Variants in SORCS3 observed in about 807,000 individuals in gnomAD.
The protein encoded by SORCS3 is sortilin related VPS10 domain containing receptor 3, also known as VPS10 domain-containing receptor SorCS3.
In SORCS3, 57 loss-of-function variants were observed where a neutral mutation model predicts 146.3. The observed-to-expected ratio is 0.39, with a 90% confidence interval of 0.31 to 0.49. The LOEUF is 0.49. Ranked by LOEUF, SORCS3 falls within the 20% of genes least tolerant of loss-of-function variation. SORCS3 has a pLI of 0.92. For synonymous variants in SORCS3, 653 were observed against 618.5 expected (o/e 1.06, Z -0.83); for missense variants, 1,341 against 1,575.5 (o/e 0.85, Z 2.52).
chr10:104,828,172 A>G (rs1389824385), intron 1 of SORCS3, among the ~76,000 whole-genome samples: 1 of 152,182 alleles, frequency 6.6e-6, no homozygotes, highest in East Asian at 1.9e-4. Flanking sequence ...CTCTGGCACA[A>G]GAGACCTAGC....
At chr10:105,048,080 T>C (rs1393377153) in intron 5 of SORCS3, among the ~76,000 whole-genome samples, 1 of 151,868 alleles carries the variant, frequency 6.6e-6, no homozygotes, top group African/African-American at 2.4e-5. Context: ...TTTTACACTG[T>C]TGGTGGGACT....
chr10:105,172,138 G>T (rs1251298511), intron 13 of SORCS3, among the ~76,000 whole-genome samples: 2 of 152,124 alleles, frequency 1.3e-5, no homozygotes, highest in Middle Eastern at 3.2e-3. Flanking sequence ...GAATAAGCCT[G>T]CTACAGAGTT....
At chr10:104,940,533 G>A (rs574484186) in intron 3 of SORCS3, among the ~76,000 whole-genome samples, 11 of 151,324 alleles carry the variant, frequency 7.3e-5, no homozygotes, top group Non-Finnish European at 1.6e-4. Context: ...TGAGAATGAT[G>A]GTTTCCAGCT....
intron 8 of SORCS3, among the ~76,000 whole-genome samples, chr10:105,145,344 G>A (rs572754117): frequency 1.2e-3 from 178 of 152,138 alleles, no homozygotes; most frequent in Non-Finnish European, 2.1e-3. Flanking sequence ...ATACCAGAGA[G>A]CAATCTTACT....
intron 4 of SORCS3, among the ~76,000 whole-genome samples, chr10:105,034,733 C>T (rs2055294766): frequency 6.6e-6 from 1 of 152,182 alleles, no homozygotes; most frequent in Non-Finnish European, 1.5e-5. Flanking sequence ...CCTGAAGAAT[C>T]ATACAAAGCC....
chr10:104,988,563 C>T (rs557193097), intron 4 of SORCS3, among the ~76,000 whole-genome samples: 3,034 of 152,190 alleles, frequency 0.02, 44 homozygotes, highest in Non-Finnish European at 0.029. Context: ...TTATTCAAAT[C>T]TTTGAGTTAA....
intron 1 of SORCS3, among the ~76,000 whole-genome samples, chr10:104,821,930 G>A (rs2017877265): frequency 1.3e-5 from 2 of 152,172 alleles, no homozygotes; most frequent in South Asian, 4.1e-4. Flanking sequence ...TAGGTGCTGT[G>A]TACAAGGTTA....
At chr10:104,651,631 A>G (rs2015561377) in intron 1 of SORCS3, among the ~76,000 whole-genome samples, 1 of 151,690 alleles carries the variant, frequency 6.6e-6, no homozygotes, top group South Asian at 2.1e-4. Flanking sequence ...TCTTGAACGC[A>G]GGAGGCAGGG....
intron 1 of SORCS3, among the ~76,000 whole-genome samples, chr10:104,794,470 A>G (rs2017528839): frequency 6.6e-6 from 1 of 152,076 alleles, no homozygotes; most frequent in African/African-American, 2.4e-5. Flanking sequence ...AATGGAGCAG[A>G]GAGTGTTTCA....
chr10:104,887,940 C>T (rs61867320), intron 2 of SORCS3, among the ~76,000 whole-genome samples: 2,485 of 117,158 alleles, frequency 0.021, 47 homozygotes, highest in Non-Finnish European at 0.023. Flanking sequence ...TCCATACCTT[C>T]CCAGCAACAT....
intron 5 of SORCS3, among the ~76,000 whole-genome samples, chr10:105,064,130 C>T (rs749415259): frequency 2.0e-5 from 3 of 152,176 alleles, no homozygotes; most frequent in Non-Finnish European, 4.4e-5. Flanking sequence ...AAACAGACAC[C>T]GTCTCTGCCC....
intron 1 of SORCS3, among the ~76,000 whole-genome samples, chr10:104,755,208 C>A (rs2017036143): frequency 1.3e-5 from 2 of 152,196 alleles, no homozygotes; most frequent in South Asian, 4.1e-4. Flanking sequence ...TGATTTGGTA[C>A]ATTCATTCAT....
At chr10:105,070,256 A>C (rs187065279) in intron 5 of SORCS3, among the ~76,000 whole-genome samples, 24 of 152,336 alleles carry the variant, frequency 1.6e-4, no homozygotes, top group South Asian at 2.1e-4. Flanking sequence ...CTAGACCTAT[A>C]TCATAGTTGA....
chr10:105,241,140 C>T (rs1294720045), intron 20 of SORCS3, among the ~76,000 whole-genome samples: 1 of 152,020 alleles, frequency 6.6e-6, no homozygotes, highest in Non-Finnish European at 1.5e-5. Flanking sequence ...GTTGCAGTTC[C>T]CAAATCATAA....
intron 1 of SORCS3, among the ~76,000 whole-genome samples, chr10:104,829,891 G>T (rs1042605070): frequency 8.6e-5 from 13 of 151,950 alleles, no homozygotes; most frequent in Middle Eastern, 3.2e-3. Flanking sequence ...GATATTTTTT[G>T]ATTTTAATTT....
At chr10:104,668,200 A>G (rs1315374618) in intron 1 of SORCS3, among the ~76,000 whole-genome samples, 1 of 152,188 alleles carries the variant, frequency 6.6e-6, no homozygotes, top group East Asian at 1.9e-4. Flanking sequence ...AGTAAACCAT[A>G]TTAAGTGCCT....
chr10:104,723,175 T>G (rs1484356028), intron 1 of SORCS3, among the ~76,000 whole-genome samples: 2 of 152,230 alleles, frequency 1.3e-5, no homozygotes, highest in African/African-American at 2.4e-5. Flanking sequence ...TCTGGTATGT[T>G]GTGTCTTTGT....
chr10:104,759,437 C>T (rs1316200717), intron 1 of SORCS3, among the ~76,000 whole-genome samples: 1 of 152,088 alleles, frequency 6.6e-6, no homozygotes, highest in African/African-American at 2.4e-5. Flanking sequence ...CCAAATAATC[C>T]CCTGGGGAGG....
intron 1 of SORCS3, among the ~76,000 whole-genome samples, chr10:104,762,357 C>T (rs2017130808): frequency 6.6e-6 from 1 of 152,154 alleles, no homozygotes; most frequent in Non-Finnish European, 1.5e-5. Flanking sequence ...TTCAAGCTAA[C>T]AATGTGGTGT....
Sources: allele counts gnomAD v4.1 joint callset (sites outside exome capture counted in the v4.1 genomes callset), GRCh38; gene constraint gnomAD v4.1.1; transcripts MANE v1.5; gene names NCBI Gene and HGNC (gene_info 2026-07-23, HGNC 2026-07-21).